Variants in CFAP206 observed in about 807,000 individuals in gnomAD.
CFAP206 encodes the protein cilia- and flagella-associated protein 206.
A neutral mutation model predicts 65.4 loss-of-function variants in CFAP206; 53 were observed. The observed-to-expected ratio is 0.81, with a 90% confidence interval of 0.65 to 1.02. The LOEUF (loss-of-function observed/expected upper bound fraction) is 1.02, where lower values mean the gene tolerates loss of function less well. Among genes scored for constraint, CFAP206 ranks in the 50% least tolerant of loss-of-function variants. CFAP206 has a pLI of 0.00. For missense variants in CFAP206, 663 were observed against 753.2 expected (o/e 0.88, Z 1.40); for synonymous variants, 250 against 254.4 (o/e 0.98, Z 0.17).
chr6:87,434,796 C>A, intron 10 of CFAP206, 64 bp from the exon 11 acceptor site: 1 of 967,718 alleles, frequency 1.0e-6, no homozygotes, highest in Non-Finnish European at 1.5e-6. Flanking sequence ...CCATGCCCAG[C>A]CAGAATAACA....
intron 10 of CFAP206, among the ~76,000 whole-genome samples, chr6:87,433,620 T>C (rs1768197754): frequency 6.6e-6 from 1 of 152,236 alleles, no homozygotes; most frequent in African/African-American, 2.4e-5. Context: ...TGGCTTTTCA[T>C]AAAAGATTTT....
At position 87,461,163 on chromosome 6, in the gene CFAP206, T is replaced by C. The variant is rs1285022325; in HGVS notation, c.1636T>C (p.Leu546=). The C allele has an allele frequency of 3.2e-6, 5 of 1,552,486 alleles. No homozygotes were observed. The highest frequency in any genetic ancestry group is 3.4e-4 in the Middle Eastern group (2 of 5,912). The part of the protein sequence containing the change: ...EWELRRKAIK[L]ANLRQKVTHS... The stretch of plus-strand genomic sequence containing the variant: ...GGAATTAAGAAGAAAAGCTATAAAA[T>C]TGGTTTGTAACAATACTTTCTAGAA... Residue 546 remains leucine, a splice_region_variant and synonymous_variant, in exon 12 of 13, where the codon TTG becomes CTG. Transcript: ENST00000369562.
chr6:87,431,129 T>G lies in CFAP206; in HGVS notation c.1256T>G (p.Phe419Cys). 1 of 1,614,046 alleles carries G rather than the reference T, an allele frequency of 6.2e-7. No individual in the cohort carries two copies. Among genetic ancestry groups the G allele is most frequent in the Non-Finnish European group, 8.5e-7 (1 of 1,179,938 alleles). Residue 419 changes from phenylalanine to cysteine, a missense_variant, in exon 10 of 13, where the codon TTT becomes TGT. By Grantham distance (205) the Phe-to-Cys change is radical. Transcript: ENST00000369562. ...AAACTGTTAATTCAATATCGGGGAT[T>G]TTGTGCTTACACGTTTGCTGCAACA... ...FDKLLIQYRG[F>C]CAYTFAATDG...
intron 11 of CFAP206, among the ~76,000 whole-genome samples, chr6:87,459,960 T>C (rs1768715827): frequency 6.6e-6 from 1 of 152,242 alleles, no homozygotes; most frequent in African/African-American, 2.4e-5. Context: ...GTCTTTTTCA[T>C]GTAGTCCTTG....
At chr6:87,457,052 A>G (rs1768656415) in intron 11 of CFAP206, among the ~76,000 whole-genome samples, 1 of 150,360 alleles carries the variant, frequency 6.7e-6, no homozygotes, top group Admixed American at 6.7e-5. Flanking sequence ...CAGGAGGCTG[A>G]GGCAGGAGAA....
chr6:87,423,576 T>C (rs1273152419), intron 7 of CFAP206, among the ~76,000 whole-genome samples: 1 of 152,170 alleles, frequency 6.6e-6, no homozygotes, highest in East Asian at 1.9e-4. Flanking sequence ...TAATTGTAGG[T>C]TTTAATAAGT....
chr6:87,449,307 G>C (rs1333205836), intron 11 of CFAP206, among the ~76,000 whole-genome samples: 1 of 151,836 alleles, frequency 6.6e-6, no homozygotes, highest in Non-Finnish European at 1.5e-5. Context: ...TGTGGTGGCA[G>C]GTGCCTGTAG....
At chr6:87,438,409 T>G (rs570959164) in intron 11 of CFAP206, among the ~76,000 whole-genome samples, 1 of 139,712 alleles carries the variant, frequency 7.2e-6, no homozygotes, top group South Asian at 2.2e-4. Context: ...TGCAGTGAGC[T>G]GAGATTGCAT....
rs751340090 is a variant in CFAP206, at chr6:87,464,115, T to G, written c.1734T>G (p.Thr578=). ...NCSQVYPPKD[T]STQSMREDST... ...CCCAAGTGTACCCTCCAAAGGACAC[T>G]AGCACCCAGTCCATGAGGGAAGACA... The change falls in exon 13 of 13, where the codon ACT becomes ACG. Residue 578 remains threonine, a synonymous_variant. Transcript: ENST00000369562. 13 of 1,614,040 alleles carry G rather than the reference T, an allele frequency of 8.1e-6. No homozygotes were observed.
At chr6:87,441,102 T>C (rs1768353448) in intron 11 of CFAP206, 2 of 159,108 alleles carry the variant, frequency 1.3e-5, no homozygotes, top group Non-Finnish European at 2.8e-5. Context: ...GGCCCTAGGG[T>C]ATCAGTCTCT....
At chr6:87,438,138 GA>G (rs1364975639) in intron 11 of CFAP206, among the ~76,000 whole-genome samples, 1 of 151,972 alleles carries the variant, frequency 6.6e-6, no homozygotes, top group Non-Finnish European at 1.5e-5. Context: ...TCTGTTAAGG[GA>G]AAAATTAGGA....
rs1345245220 is a variant in CFAP206 at position 87,409,901 on chromosome 6, G to A, written c.62G>A (p.Cys21Tyr). 11 of 1,613,386 alleles carry A rather than the reference G, an allele frequency of 6.8e-6. No individual in the cohort carries two copies. The Admixed American group carries it at 8.3e-5, about 12-fold the overall frequency. ...ATTATACGAGAAATAGGACAAGAATGTGCAGCCCATGGAGAGATTGTTTCT... is the reference window on the plus strand; with the variant it reads ...ATTATACGAGAAATAGGACAAGAATATGCAGCCCATGGAGAGATTGTTTCT... ...RSIIREIGQE[C>Y]AAHGEIVSET... The change falls in exon 2 of 13, where the codon TGT becomes TAT. Residue 21 changes from cysteine (C) to tyrosine (Y), a missense_variant. Coordinates refer to ENST00000369562, the MANE Select transcript of CFAP206 (RefSeq NM_001031743.3).
At chr6:87,426,467 C>A in intron 7 of CFAP206, 59 bp from the exon 8 acceptor site, 1 of 1,316,076 alleles carries the variant, frequency 7.6e-7, no homozygotes. Context: ...GTCTGAAACA[C>A]ATATGATTTT....
intron 11 of CFAP206, among the ~76,000 whole-genome samples, chr6:87,450,469 A>G (rs1240920273): frequency 7.8e-6 from 1 of 128,382 alleles, no homozygotes; most frequent in African/African-American, 3.0e-5. Flanking sequence ...CTTTGAATAA[A>G]TGAAAATGTG....
chr6:87,415,537 C>A (rs1169910598), intron 4 of CFAP206, 149 bp from the exon 5 acceptor site: 4 of 760,810 alleles, frequency 5.3e-6, no homozygotes, highest in Non-Finnish European at 9.0e-6. Flanking sequence ...ACATGCTGGC[C>A]ACTGTTTTTT....
At position 87,464,209 on chromosome 6, in the gene CFAP206, G is replaced by C. The variant is rs1422672979; in HGVS notation, c.1828G>C (p.Glu610Gln). 1 of 1,614,178 alleles carries C rather than the reference G, an allele frequency of 6.2e-7. No individual in the cohort carries two copies. Among genetic ancestry groups the C allele is most frequent in the East Asian group, 2.2e-5 (1 of 44,884 alleles). The change falls in exon 13 of 13, where the codon GAG becomes CAG. Residue 610 changes from glutamate to glutamine, a missense_variant. Physicochemically the swap from Glu to Gln is conservative, Grantham distance 29. Coordinates refer to ENST00000369562, the MANE Select transcript of CFAP206 (RefSeq NM_001031743.3). ...TGGAGGAAAGAGCGAAATCACCGAT[G>C]AGGTCAAGGTGAACTTAACTAGAGA... is the stretch of plus-strand genomic sequence containing the variant. The part of the protein sequence containing the change: ...LRGGKSEITD[E>Q]VKVNLTRDVD...
intron 12 of CFAP206, among the ~76,000 whole-genome samples, chr6:87,462,607 T>C (rs1479446558): frequency 6.6e-6 from 1 of 152,172 alleles, no homozygotes; most frequent in Non-Finnish European, 1.5e-5. Flanking sequence ...ACATAGGTGA[T>C]ATTTTATGTT....
At chr6:87,428,293 T>A (rs1221089141) in intron 8 of CFAP206, among the ~76,000 whole-genome samples, 1 of 150,788 alleles carries the variant, frequency 6.6e-6, no homozygotes, top group East Asian at 1.9e-4. Flanking sequence ...TGGCCGTATT[T>A]TTTTTTTTTT....
rs750356362 is a variant in CFAP206 at position 87,464,105 on chromosome 6, C to A, written c.1724C>A (p.Pro575Gln). The A allele has an allele frequency of 1.2e-6, 2 of 1,614,104 alleles. No individual in the cohort carries two copies. Among genetic ancestry groups the A allele is most frequent in the Admixed American group, 3.3e-5 (2 of 60,018 alleles). ...RRENCSQVYP[P>Q]KDTSTQSMRE... is the part of the protein sequence containing the mutation. ...GAAAATTGTTCCCAAGTGTACCCTC[C>A]AAAGGACACTAGCACCCAGTCCATG... Residue 575 changes from proline (P) to glutamine (Q), a missense_variant, in exon 13 of 13, where the codon CCA becomes CAA. Physicochemically the swap from Pro to Gln is moderately conservative, Grantham distance 76 (BLOSUM62 -1). Transcript: ENST00000369562.
Sources: allele counts gnomAD v4.1 joint callset (sites outside exome capture counted in the v4.1 genomes callset), GRCh38; gene constraint gnomAD v4.1.1; transcripts MANE v1.5; gene names NCBI Gene and HGNC (gene_info 2026-07-23, HGNC 2026-07-21).